The following ROR2 variants were observed in gnomAD, a reference collection of about 807,000 sequenced individuals.
ROR2 encodes tyrosine-protein kinase transmembrane receptor ROR2.
ROR2 carries 33 observed loss-of-function variants against 74.9 expected under a neutral mutation model. The observed-to-expected ratio is 0.44, with a 90% CI of 0.33 to 0.59. ROR2 has a LOEUF of 0.59. ROR2 is among the 20% of genes least tolerant of loss of function. The pLI, the probability that ROR2 is intolerant of heterozygous loss-of-function variation, is 0.02. For missense variants in ROR2, 1,216 were observed against 1,313.8 expected, an observed-to-expected ratio of 0.93 and a Z score of 1.15; for synonymous variants, 586 against 558.7, an observed-to-expected ratio of 1.05 and a Z score of -0.69.
At chr9:91,911,933 C>CAAAAAAAAAAAAAAAAAAAAA (rs747087662) in intron 1 of ROR2, among the ~76,000 whole-genome samples, 1 of 76,390 alleles carries the variant, frequency 1.3e-5, no homozygotes, top group African/African-American at 4.8e-5. Flanking sequence ...TGAGTCTAAG[C>CAAAAAAAAAAAAAAAAAAAAA]AAAAAAAAAA....
chr9:91,743,292 C>G (rs776841086), intron 4 of ROR2, among the ~76,000 whole-genome samples: 1 of 152,064 alleles, frequency 6.6e-6, no homozygotes, highest in Non-Finnish European at 1.5e-5. Flanking sequence ...ATGATAAGGG[C>G]CGGGTGCAGT....
At chr9:91,897,506 G>A (rs779882465) in intron 1 of ROR2, among the ~76,000 whole-genome samples, 1 of 151,664 alleles carries the variant, frequency 6.6e-6, no homozygotes, top group South Asian at 2.1e-4. Context: ...GGAAAATTTT[G>A]TCATAAGAAC....
At chr9:91,949,532 G>A (rs573943832) in intron 1 of ROR2, among the ~76,000 whole-genome samples, 2 of 151,950 alleles carry the variant, frequency 1.3e-5, no homozygotes, top group Admixed American at 6.5e-5. Flanking sequence ...GCGGACTCGG[G>A]TCCCGGGCCC....
intron 2 of ROR2, among the ~76,000 whole-genome samples, chr9:91,763,596 G>A (rs939801772): frequency 5.3e-5 from 8 of 152,138 alleles, no homozygotes; most frequent in African/African-American, 9.7e-5. Flanking sequence ...TCTCGTCATT[G>A]GGGCTCCCCT....
At chr9:91,757,034 T>C (rs1825774294) in intron 3 of ROR2, among the ~76,000 whole-genome samples, 1 of 152,074 alleles carries the variant, frequency 6.6e-6, no homozygotes, top group South Asian at 2.1e-4. Context: ...CCTCCCAAAG[T>C]GCTGGAATTA....
intron 1 of ROR2, among the ~76,000 whole-genome samples, chr9:91,924,220 T>C (rs978327486): frequency 6.6e-6 from 1 of 152,230 alleles, no homozygotes; most frequent in Non-Finnish European, 1.5e-5. Flanking sequence ...CCCAGCCCTT[T>C]TCCTATCCTT....
At chr9:91,832,812 A>G (rs1427805749) in intron 1 of ROR2, among the ~76,000 whole-genome samples, 1 of 152,192 alleles carries the variant, frequency 6.6e-6, no homozygotes, top group African/African-American at 2.4e-5. Flanking sequence ...TCCTCAAATC[A>G]CCCCAAAACA....
At chr9:91,860,306 C>T (rs1829433714) in intron 1 of ROR2, among the ~76,000 whole-genome samples, 1 of 152,122 alleles carries the variant, frequency 6.6e-6, no homozygotes, top group Admixed American at 6.5e-5. Context: ...ACTGAAGCAC[C>T]CCAAGGCTCC....
chr9:91,734,172 T>C (rs1824939832), intron 5 of ROR2, among the ~76,000 whole-genome samples: 1 of 152,150 alleles, frequency 6.6e-6, no homozygotes. Context: ...GGGAGAGATC[T>C]GCTGCACCTG....
intron 1 of ROR2, chr9:91,948,979 C>T (rs1832091133): frequency 1.0e-6 from 1 of 952,764 alleles, no homozygotes; most frequent in South Asian, 4.8e-5. Context: ...ACTTCCGAAC[C>T]TCCCCGCCGT....
At chr9:91,837,263 G>A (rs1020584659) in intron 1 of ROR2, among the ~76,000 whole-genome samples, 12 of 152,050 alleles carry the variant, frequency 7.9e-5, no homozygotes, top group African/African-American at 4.8e-5. Flanking sequence ...TAGTACAGAC[G>A]GGGTTTCACC....
chr9:91,795,728 G>T (rs1827147149), intron 1 of ROR2, among the ~76,000 whole-genome samples: 1 of 152,152 alleles, frequency 6.6e-6, no homozygotes, highest in African/African-American at 2.4e-5. Flanking sequence ...CATGTCATGG[G>T]TAATTACCAC....
rs886951440 is a variant in ROR2 at position 91,756,166 on chromosome 9, A to T, written c.464-65T>A. On this transcript the variant is annotated intron_variant, in intron 3 of 8. Coordinates refer to ENST00000375708, the MANE Select transcript of ROR2 (RefSeq NM_004560.4). The stretch of plus-strand genomic sequence containing the variant: ...ATGATTTGGAATACAACCTTCTTCA[A>T]ATCAGGCCAGTGGCAAACAGGCTGA... 4 of 1,555,524 alleles carry T rather than the reference A, an allele frequency of 2.6e-6. No individual in the cohort carries two copies. In the East Asian group the frequency reaches 9.0e-5, roughly 35 times the overall value.
intron 1 of ROR2, among the ~76,000 whole-genome samples, chr9:91,939,891 C>T (rs1831802395): frequency 6.6e-6 from 1 of 152,150 alleles, no homozygotes; most frequent in Admixed American, 6.5e-5. Context: ...CCAGAATAAA[C>T]GGGACTGGGA....
chr9:91,860,531 T>C (rs1292545115), intron 1 of ROR2, among the ~76,000 whole-genome samples: 1 of 152,156 alleles, frequency 6.6e-6, no homozygotes, highest in Non-Finnish European at 1.5e-5. Context: ...TCATGGAGGC[T>C]GAAAGACCCA....
chr9:91,909,842 G>GTTTTTTTTTTTTTTTTTTTTATTTTTTT (rs1232142986), intron 1 of ROR2, among the ~76,000 whole-genome samples: 1 of 55,978 alleles, frequency 1.8e-5, no homozygotes, highest in Non-Finnish European at 3.2e-5. Context: ...TTTTAGGTTT[G>GTTTTTTTTTTTTTTTTTTTTATTTTTTT]TTTTGTTTTT....
At position 91,737,415 on chromosome 9, in the gene ROR2, C is replaced by G. The variant is rs1446960657; in HGVS notation, c.598G>C (p.Gly200Arg). 2 of 1,614,026 alleles carry G rather than the reference C, an allele frequency of 1.2e-6. No homozygotes were observed. The highest frequency in any genetic ancestry group is 2.2e-5 in the East Asian group (1 of 44,878). The change falls in exon 5 of 9, where the codon GGG becomes CGG. Residue 200 changes from glycine (G) to arginine (R), a missense_variant. Transcript: ENST00000375708. ...CCTGTGATTCGGTTTTCAATCTCCC[C>G]CTGCATCTGAAGCGAGTCCACATAA... ...TIYVDSLQMQ[G>R]EIENRITAAF...
chr9:91,949,238 G>C (rs1480899060), intron 1 of ROR2, among the ~76,000 whole-genome samples: 2 of 151,764 alleles, frequency 1.3e-5, no homozygotes, highest in Non-Finnish European at 2.9e-5. Flanking sequence ...CGGTGGGGGA[G>C]AGGAGGTTTC....
chr9:91,872,494 T>A (rs1380068562), intron 1 of ROR2, among the ~76,000 whole-genome samples: 1 of 152,174 alleles, frequency 6.6e-6, no homozygotes, highest in African/African-American at 2.4e-5. Context: ...CCAGAATTTG[T>A]TCTATTTTTT....
Sources: gnomAD v4.1 joint callset for allele counts (sites outside exome capture counted in the v4.1 genomes callset) on GRCh38, gnomAD v4.1.1 for gene constraint, MANE v1.5 for transcripts, NCBI Gene and HGNC (gene_info 2026-07-23, HGNC 2026-07-21) for gene names.